The following EML5 variants were observed in gnomAD, a reference collection of about 807,000 sequenced individuals.
The protein encoded by EML5 is EMAP like 5.
EML5 carries 120 observed loss-of-function variants against 250.0 expected under a neutral mutation model. That is an observed-to-expected ratio of 0.48 (90% CI 0.41 to 0.56). The LOEUF is 0.56. Ranked by LOEUF, EML5 falls within the 20% of genes least tolerant of loss-of-function variation. EML5 has a pLI of 0.00. For synonymous variants in EML5, 771 were observed against 806.5 expected (o/e 0.96, Z 0.75); for missense variants, 2,006 against 2,437.6 (o/e 0.82, Z 3.73).
intron 13 of EML5, 67 bp from the exon 14 acceptor site, chr14:88,702,699 G>A: frequency 1.8e-6 from 2 of 1,132,508 alleles, no homozygotes; most frequent in Non-Finnish European, 2.4e-6. Context: ...AGAATATACA[G>A]GGGAGAAGTA....
chr14:88,655,096 A>G (rs2091817419), intron 27 of EML5, among the ~76,000 whole-genome samples: 1 of 152,060 alleles, frequency 6.6e-6, no homozygotes, highest in South Asian at 2.1e-4. Flanking sequence ...CCATCAAGCT[A>G]CCAATGACTT....
intron 8 of EML5, among the ~76,000 whole-genome samples, chr14:88,718,261 G>A (rs1334942731): frequency 2.0e-5 from 3 of 152,132 alleles, no homozygotes; most frequent in Non-Finnish European, 4.4e-5. Flanking sequence ...CTCGAGTTTT[G>A]AGATAACAGC....
At chr14:88,704,623 C>T (rs2093281028) in intron 13 of EML5, among the ~76,000 whole-genome samples, 2 of 152,146 alleles carry the variant, frequency 1.3e-5, no homozygotes, top group Non-Finnish European at 2.9e-5. Context: ...GTTGTCCCAA[C>T]AATGTCCTTT....
At chr14:88,689,524 A>G (rs2092911634) in intron 17 of EML5, among the ~76,000 whole-genome samples, 1 of 152,110 alleles carries the variant, frequency 6.6e-6, no homozygotes, top group Non-Finnish European at 1.5e-5. Context: ...TCTCTTGCCC[A>G]TTTTTCCCAA....
chr14:88,703,945 T>C (rs1217621908), intron 13 of EML5, among the ~76,000 whole-genome samples: 2 of 152,202 alleles, frequency 1.3e-5, no homozygotes, highest in Non-Finnish European at 2.9e-5. Context: ...TTTTATTTAA[T>C]AAACACTTAC....
intron 17 of EML5, 23 bp downstream of exon 17, chr14:88,694,284 G>A (rs1281998695): frequency 6.7e-7 from 1 of 1,489,618 alleles, no homozygotes; most frequent in South Asian, 1.2e-5. Flanking sequence ...ATTCTATGGA[G>A]TAAAAAAGAA....
chr14:88,753,130 T>C (rs2094119859), intron 2 of EML5, among the ~76,000 whole-genome samples: 2 of 152,188 alleles, frequency 1.3e-5, no homozygotes, highest in South Asian at 4.1e-4. Flanking sequence ...ACACACCCTC[T>C]GGGGCTCCAG....
At chr14:88,621,036 A>C (rs2088821289) in intron 38 of EML5, 77 bp downstream of exon 38, 3 of 1,494,222 alleles carry the variant, frequency 2.0e-6, no homozygotes, top group Non-Finnish European at 8.9e-7. Context: ...GCAGTTCTTT[A>C]AGTACTAGCA....
chr14:88,644,544 T>G, intron 29 of EML5, 33 bp from the exon 30 acceptor site: 1 of 1,600,216 alleles, frequency 6.2e-7, no homozygotes, highest in Non-Finnish European at 8.6e-7. Flanking sequence ...AGGAAAGGCA[T>G]GCAGCACTCA....
chr14:88,753,031 G>A (rs2094118463), intron 2 of EML5, among the ~76,000 whole-genome samples: 1 of 152,152 alleles, frequency 6.6e-6, no homozygotes, highest in South Asian at 2.1e-4. Context: ...GATGCACTGG[G>A]TGCAGGAACC....
At chr14:88,738,779 T>TTA (rs1476537242) in intron 6 of EML5, 100 bp downstream of exon 6, 17 of 1,351,780 alleles carry the variant, frequency 1.3e-5, no homozygotes, top group Admixed American at 2.9e-5. Context: ...TAAGTCTTAT[T>TTA]TATATTTACA....
At chr14:88,755,921 C>T (rs1448884132) in intron 1 of EML5, among the ~76,000 whole-genome samples, 1 of 152,074 alleles carries the variant, frequency 6.6e-6, no homozygotes, top group Non-Finnish European at 1.5e-5. Flanking sequence ...ATCGCTTGAA[C>T]CCAGGAGTTC....
chr14:88,689,617 C>T (rs1288423794), intron 17 of EML5, among the ~76,000 whole-genome samples: 1 of 152,040 alleles, frequency 6.6e-6, no homozygotes, highest in Non-Finnish European at 1.5e-5. Flanking sequence ...GCCTGTGGTC[C>T]CAGCCACTTG....
chr14:88,665,613 G>A (rs923148990), intron 21 of EML5, 124 bp from the exon 22 acceptor site: 51 of 1,302,110 alleles, frequency 3.9e-5, no homozygotes, highest in African/African-American at 1.5e-4. Flanking sequence ...GACTGCCCGC[G>A]GCCAGGAGGT....
chr14:88,628,140 A>G (rs2090157745), intron 33 of EML5, among the ~76,000 whole-genome samples: 1 of 152,210 alleles, frequency 6.6e-6, no homozygotes, highest in South Asian at 2.1e-4. Context: ...TTTTATGTAT[A>G]CTTTTAATCT....
intron 31 of EML5, among the ~76,000 whole-genome samples, chr14:88,641,032 C>A (rs755065537): frequency 2.0e-5 from 3 of 151,860 alleles, no homozygotes; most frequent in Non-Finnish European, 4.4e-5. Flanking sequence ...TGGATAAATT[C>A]CTAGAAACAC....
At chr14:88,731,014 C>G (rs1454296400) in intron 7 of EML5, among the ~76,000 whole-genome samples, 1 of 151,968 alleles carries the variant, frequency 6.6e-6, no homozygotes, top group Non-Finnish European at 1.5e-5. Context: ...ATTTAACTAA[C>G]CACTTTCAGT....
intron 30 of EML5, among the ~76,000 whole-genome samples, chr14:88,644,054 G>A (rs371209976): frequency 3.3e-5 from 5 of 152,034 alleles, no homozygotes; most frequent in Admixed American, 6.5e-5. Flanking sequence ...TGAATATATC[G>A]CACAGGGTCA....
chr14:88,777,482 C>T (rs1049814679), intron 1 of EML5, among the ~76,000 whole-genome samples: 4 of 151,970 alleles, frequency 2.6e-5, no homozygotes, highest in Non-Finnish European at 5.9e-5. Flanking sequence ...ATAAGTAATC[C>T]CAAGTGGGTT....
Sources: gnomAD v4.1 joint callset for allele counts (sites outside exome capture counted in the v4.1 genomes callset) on GRCh38, gnomAD v4.1.1 for gene constraint, MANE v1.5 for transcripts, NCBI Gene and HGNC (gene_info 2026-07-23, HGNC 2026-07-21) for gene names.